The following RANBP2 variants were observed in gnomAD, a reference collection of about 807,000 sequenced individuals.
The protein encoded by RANBP2 is RAN binding protein 2.
In RANBP2, 57 loss-of-function variants were observed where a neutral mutation model predicts 303.6. That is an observed-to-expected ratio of 0.19 (90% CI 0.15 to 0.23). The LOEUF (loss-of-function observed/expected upper bound fraction) is 0.23, where lower values mean the gene tolerates loss of function less well. Ranked by LOEUF, RANBP2 falls within the 10% of genes least tolerant of loss-of-function variation. RANBP2 has a pLI of 1.00. For missense variants in RANBP2, 3,138 were observed against 3,780.8 expected (o/e 0.83, Z 4.46); for synonymous variants, 1,167 against 1,301.5 (o/e 0.90, Z 2.23).
the RANBP2 span, among the ~76,000 whole-genome samples, chr2:109,161,472 C>T: frequency 6.6e-5 from 10 of 152,032 alleles, no homozygotes. Context: ...CTCCCTGGAG[C>T]ATGGTTGGGT....
At chr2:108,919,719 T>C in the RANBP2 span, among the ~76,000 whole-genome samples, 4 of 152,146 alleles carry the variant, frequency 2.6e-5, no homozygotes, top group African/African-American at 9.7e-5. Context: ...GGGTGCCTTC[T>C]CGGGTTTGAA....
the RANBP2 span, among the ~76,000 whole-genome samples, chr2:109,431,251 G>A: frequency 6.6e-6 from 1 of 152,190 alleles, no homozygotes; most frequent in East Asian, 1.9e-4. Flanking sequence ...TCCCCACCCA[G>A]CAGCCTGCAC....
chr2:108,960,368 C>G, the RANBP2 span, among the ~76,000 whole-genome samples: 3 of 152,222 alleles, frequency 2.0e-5, no homozygotes, highest in African/African-American at 7.2e-5. Context: ...TCTATGTTCT[C>G]AAGACGCTCT....
At chr2:109,455,550 A>C in the RANBP2 span, among the ~76,000 whole-genome samples, 1 of 152,168 alleles carries the variant, frequency 6.6e-6, no homozygotes. Context: ...CACTCATGAT[A>C]TTATATAGGA....
the RANBP2 span, chr2:109,552,808 C>T: frequency 3.2e-6 from 1 of 314,702 alleles, no homozygotes; most frequent in Non-Finnish European, 5.8e-6. Flanking sequence ...AATGTGTGCA[C>T]CCAAGAGGGT....
the RANBP2 span, among the ~76,000 whole-genome samples, chr2:109,743,841 G>A: frequency 2.2e-5 from 2 of 92,836 alleles, 1 homozygote; most frequent in African/African-American, 6.0e-5. Flanking sequence ...AGTACCCAGT[G>A]TTTAGCTCCC....
chr2:109,593,369 A>T, the RANBP2 span, among the ~76,000 whole-genome samples: 1 of 151,950 alleles, frequency 6.6e-6, no homozygotes, highest in Non-Finnish European at 1.5e-5. Context: ...AAATTTTATG[A>T]AATTAGTAAA....
the RANBP2 span, among the ~76,000 whole-genome samples, chr2:109,095,168 C>T: frequency 1.9e-5 from 2 of 105,176 alleles, no homozygotes; most frequent in South Asian, 4.0e-4. Context: ...TAGTCATTCC[C>T]CCGCTAGTTA....
At chr2:109,340,506 C>T in the RANBP2 span, among the ~76,000 whole-genome samples, 1 of 152,172 alleles carries the variant, frequency 6.6e-6, no homozygotes, top group Non-Finnish European at 1.5e-5. Context: ...TGGGCAGATG[C>T]TGGAGGGGCG....
At chr2:108,795,245 C>G in the RANBP2 span, among the ~76,000 whole-genome samples, 1 of 150,052 alleles carries the variant, frequency 6.7e-6, no homozygotes, top group Non-Finnish European at 1.5e-5. Flanking sequence ...GCCTCCGCCT[C>G]CTGGGTTCCA....
At chr2:109,190,480 C>G in the RANBP2 span, among the ~76,000 whole-genome samples, 2 of 152,226 alleles carry the variant, frequency 1.3e-5, no homozygotes, top group African/African-American at 4.8e-5. Flanking sequence ...GGTCGACATC[C>G]TATTTTTATA....
At chr2:109,280,136 T>A in the RANBP2 span, among the ~76,000 whole-genome samples, 1 of 152,190 alleles carries the variant, frequency 6.6e-6, no homozygotes, top group African/African-American at 2.4e-5. Flanking sequence ...CTTTTCTTGC[T>A]GCAATGCTGT....
chr2:109,294,049 C>T, the RANBP2 span, among the ~76,000 whole-genome samples: 2 of 152,178 alleles, frequency 1.3e-5, no homozygotes, highest in East Asian at 1.9e-4. Context: ...TTTTCTCTGC[C>T]TGGAAAGTGA....
At chr2:109,505,301 T>C in the RANBP2 span, among the ~76,000 whole-genome samples, 1 of 152,184 alleles carries the variant, frequency 6.6e-6, no homozygotes, top group African/African-American at 2.4e-5. Flanking sequence ...CTTTCACTGT[T>C]CTCTTGGCTG....
the RANBP2 span, among the ~76,000 whole-genome samples, chr2:109,220,156 C>T: frequency 6.6e-6 from 1 of 152,144 alleles, no homozygotes; most frequent in African/African-American, 2.4e-5. Flanking sequence ...AACAAAGAAG[C>T]CAAGATCAGT....
chr2:109,676,306 C>T, the RANBP2 span, among the ~76,000 whole-genome samples: 6 of 152,346 alleles, frequency 3.9e-5, no homozygotes, highest in Admixed American at 3.9e-4. Flanking sequence ...CAGCCTTTCC[C>T]AGTGCCCGCC....
At chr2:108,928,958 T>C in the RANBP2 span, among the ~76,000 whole-genome samples, 17 of 152,322 alleles carry the variant, frequency 1.1e-4, no homozygotes, top group East Asian at 2.9e-3. Context: ...GAAGATATTA[T>C]GATGGTTAAT....
chr2:108,876,025 G>T, the RANBP2 span: 1 of 1,024,378 alleles, frequency 9.8e-7, no homozygotes, highest in Non-Finnish European at 1.4e-6. Flanking sequence ...TTATCTGTCA[G>T]TGTCATTGCA....
chr2:109,662,562 G>A, the RANBP2 span, among the ~76,000 whole-genome samples: 1 of 151,882 alleles, frequency 6.6e-6, no homozygotes, highest in Non-Finnish European at 1.5e-5. Context: ...ATATTTTTGT[G>A]TTTTTAGCCA....
Sources: allele counts gnomAD v4.1 joint callset (sites outside exome capture counted in the v4.1 genomes callset), GRCh38; gene constraint gnomAD v4.1.1; transcripts MANE v1.5; gene names NCBI Gene and HGNC (gene_info 2026-07-23, HGNC 2026-07-21).